The following CD163L1 variants were observed in gnomAD, a reference collection of about 807,000 sequenced individuals.
CD163L1 encodes the protein CD163 molecule like 1.
In CD163L1, 124 loss-of-function variants were observed where a neutral mutation model predicts 165.4. The observed-to-expected ratio is 0.75, with a 90% CI of 0.65 to 0.87. The LOEUF (loss-of-function observed/expected upper bound fraction) is 0.87. Among genes scored for constraint, CD163L1 ranks in the 40% least tolerant of loss-of-function variants. CD163L1 has a pLI of 0.00. For synonymous variants in CD163L1, 585 were observed against 662.2 expected (o/e 0.88, Z 1.79); for missense variants, 1,525 against 1,799.9 (o/e 0.85, Z 2.76).
the CD163L1 span, among the ~76,000 whole-genome samples, chr12:7,326,367 G>A: frequency 3.9e-5 from 6 of 152,118 alleles, no homozygotes; most frequent in Non-Finnish European, 7.4e-5. Flanking sequence ...ACTGCACCCT[G>A]GTTAATTTTC....
chr12:7,427,675 TA>T (rs1329401937), intron 4 of CD163L1, among the ~76,000 whole-genome samples: 1 of 152,066 alleles, frequency 6.6e-6, no homozygotes, highest in Admixed American at 6.6e-5. Flanking sequence ...AGGGCTTTAA[TA>T]AAATGATAAA....
At position 7,373,471 on chromosome 12, in the gene CD163L1, G is replaced by C. The variant is rs778666311; in HGVS notation, c.3579C>G (p.Ser1193Arg). Residue 1193 changes from serine to arginine, a missense_variant, in exon 14 of 20, where the codon AGC (serine) becomes AGG (arginine). Physicochemically the swap from Ser to Arg is moderately radical, Grantham distance 110. Coordinates refer to ENST00000313599, the MANE Select transcript of CD163L1 (RefSeq NM_174941.6). ...QLGCGENGVV[S>R]LAPLSKTGSG... Reference sequence around the variant, plus strand: ...AGCCTGTCTTAGATAAAGGGGCGAGGCTGACAACTCCATTCTCCCCACAGC... The same window carrying C: ...AGCCTGTCTTAGATAAAGGGGCGAGCCTGACAACTCCATTCTCCCCACAGC... 6.2e-7 allele frequency: 1 copy of C among 1,614,180 alleles called. No homozygotes were observed. Among genetic ancestry groups the C allele is most frequent in the Non-Finnish European group, 8.5e-7 (1 of 1,180,026 alleles).
chr12:7,424,983 T>A (rs1948515509), intron 4 of CD163L1, among the ~76,000 whole-genome samples: 1 of 152,140 alleles, frequency 6.6e-6, no homozygotes, highest in Admixed American at 6.6e-5. Context: ...TAGAAAAAAC[T>A]ACGTTAAAAT....
At chr12:7,378,322 C>G (rs1947314230) in intron 9 of CD163L1, among the ~76,000 whole-genome samples, 1 of 152,070 alleles carries the variant, frequency 6.6e-6, no homozygotes, top group Non-Finnish European at 1.5e-5. Flanking sequence ...AGCCTCCTCT[C>G]TCCAATGCAC....
At chr12:7,367,176 G>T in intron 18 of CD163L1, 60 bp downstream of exon 18, 1 of 979,910 alleles carries the variant, frequency 1.0e-6, no homozygotes, top group Non-Finnish European at 1.6e-6. Context: ...CTAAATATCA[G>T]CGGTATTTCC....
In CD163L1 at chr12:7,427,444, T is replaced by C. The variant is rs747028005; in HGVS notation, c.766+4972A>G. Among the ~76,000 whole-genome samples, 9 of 152,240 alleles carry C rather than the reference T, an allele frequency of 5.9e-5. No homozygotes were observed. The South Asian group carries it at 1.2e-3, about 21-fold the overall frequency. On this transcript the variant is annotated intron_variant, in intron 4 of 19. Transcript: ENST00000313599. ...CCTCAAAAGACCTACAGGTACTGTATTGCATGCTTAAAAGCAGCTACGAAG... is the reference window on the plus strand; with the variant it reads ...CCTCAAAAGACCTACAGGTACTGTACTGCATGCTTAAAAGCAGCTACGAAG...
chr12:7,392,620 A>C (rs1290261579), intron 8 of CD163L1, among the ~76,000 whole-genome samples: 1 of 152,234 alleles, frequency 6.6e-6, no homozygotes, highest in African/African-American at 2.4e-5. Context: ...CCTTCAAAAA[A>C]TCAATGAATC....
chr12:7,383,542 A>G (rs1947456065), intron 8 of CD163L1, among the ~76,000 whole-genome samples: 1 of 152,132 alleles, frequency 6.6e-6, no homozygotes, highest in Admixed American at 6.5e-5. Flanking sequence ...GTGCTTGCAT[A>G]TGCCACCTAG....
At chr12:7,434,841 C>G (rs889534647) in intron 2 of CD163L1, among the ~76,000 whole-genome samples, 7 of 152,262 alleles carry the variant, frequency 4.6e-5, no homozygotes, top group African/African-American at 1.4e-4. Context: ...AATATTCTTT[C>G]TGAAAGTGGA....
chr12:7,396,740 C>T (rs1947784974), intron 7 of CD163L1, among the ~76,000 whole-genome samples: 1 of 152,076 alleles, frequency 6.6e-6, no homozygotes. Flanking sequence ...GTCTGCTGGC[C>T]TCCTCTTCAG....
At chr12:7,413,293 G>T (rs1948174561) in intron 4 of CD163L1, among the ~76,000 whole-genome samples, 2 of 152,088 alleles carry the variant, frequency 1.3e-5, no homozygotes, top group Middle Eastern at 3.4e-3. Flanking sequence ...TGAGTGCCTG[G>T]CTTTCCTAGC....
chr12:7,433,714 A>C lies in CD163L1; in HGVS notation c.125-20T>G. The C allele has an allele frequency of 6.4e-7, 1 of 1,568,458 alleles. No individual in the cohort carries two copies. Among genetic ancestry groups the C allele is most frequent in the Non-Finnish European group, 8.7e-7 (1 of 1,149,100 alleles). The stretch of plus-strand genomic sequence containing the variant: ...TTCCATCTGCAAGAAAGACAGAAAC[A>C]TACATTAGAGATGGCAAAGATTAGA... On this transcript the variant is annotated intron_variant, in intron 2 of 19. Coordinates refer to ENST00000313599, the MANE Select transcript of CD163L1 (RefSeq NM_174941.6).
At chr12:7,389,010 T>G (rs1280089806) in intron 8 of CD163L1, among the ~76,000 whole-genome samples, 2 of 152,222 alleles carry the variant, frequency 1.3e-5, no homozygotes, top group African/African-American at 4.8e-5. Context: ...CATCTGTTGA[T>G]GGACACTTAG....
intron 8 of CD163L1, among the ~76,000 whole-genome samples, chr12:7,382,229 C>G (rs1293057784): frequency 1.3e-5 from 2 of 151,776 alleles, no homozygotes; most frequent in East Asian, 3.9e-4. Context: ...TTCAGGAATC[C>G]TCAACTCTCT....
At chr12:7,325,412 C>T in the CD163L1 span, among the ~76,000 whole-genome samples, 3 of 152,246 alleles carry the variant, frequency 2.0e-5, no homozygotes, top group Admixed American at 6.5e-5. Flanking sequence ...TTTGGGAGGC[C>T]GAGGTGGGTG....
chr12:7,405,726 G>A (rs182754720), intron 5 of CD163L1, among the ~76,000 whole-genome samples: 7 of 152,272 alleles, frequency 4.6e-5, no homozygotes, highest in Admixed American at 1.3e-4. Context: ...GGCTGGTAAC[G>A]TAAGGTCAGT....
the CD163L1 span, among the ~76,000 whole-genome samples, chr12:7,333,298 C>T: frequency 3.9e-5 from 6 of 152,174 alleles, no homozygotes; most frequent in Non-Finnish European, 7.4e-5. Context: ...GTCTCTCAGA[C>T]CACAGTGCAA....
At chr12:7,405,542 TG>T (rs1947999343) in intron 5 of CD163L1, among the ~76,000 whole-genome samples, 1 of 152,304 alleles carries the variant, frequency 6.6e-6, no homozygotes, top group Admixed American at 6.5e-5. Context: ...CCTATAAGGA[TG>T]GCATAAATCC....
Position 7,421,758 on chromosome 12 carries a change from TATATATATA to T in CD163L1, c.766+10649_766+10657del, listed in dbSNP as rs1431587278. Reference sequence around the variant, plus strand: ...ATATGTGTGTGTGTATATATATATATATATATATATATTTTTTCTTCTAAGTGAAGTAAC... The same window carrying T: ...ATATGTGTGTGTGTATATATATATATTATTTTTTCTTCTAAGTGAAGTAAC... On this transcript the variant is annotated intron_variant, in intron 4 of 19. Coordinates refer to ENST00000313599, the MANE Select transcript of CD163L1 (RefSeq NM_174941.6). Among the ~76,000 whole-genome samples the T allele has an allele frequency of 8.5e-4, 112 of 132,334 alleles. 2 individuals are homozygous for T. Among genetic ancestry groups the T allele is most frequent in the African/African-American group, 3.5e-3 (109 of 31,116 alleles). The allele number at this position is 132,334 out of a possible 152,430, so 86.8% of individuals were successfully genotyped here.
Sources: gnomAD v4.1 joint callset for allele counts (sites outside exome capture counted in the v4.1 genomes callset) on GRCh38, gnomAD v4.1.1 for gene constraint, MANE v1.5 for transcripts, NCBI Gene and HGNC (gene_info 2026-07-23, HGNC 2026-07-21) for gene names.